Variants in MYO16 observed in about 807,000 individuals in gnomAD.
MYO16 encodes the protein myosin XVI.
In MYO16, 94 loss-of-function variants were observed where a neutral mutation model predicts 205.3. The ratio of observed to expected loss-of-function variants is 0.46; its 90% CI spans 0.39 to 0.54. MYO16 has a LOEUF of 0.54. Ranked by LOEUF, MYO16 falls within the 20% of genes least tolerant of loss-of-function variation. MYO16 has a pLI of 0.00. For missense variants in MYO16, 2,315 were observed against 2,387.5 expected (o/e 0.97, Z 0.63); for synonymous variants, 988 against 954.0 (o/e 1.04, Z -0.66).
intron 16 of MYO16, among the ~76,000 whole-genome samples, chr13:108,937,523 G>A (rs1258776938): frequency 6.6e-6 from 1 of 151,924 alleles, no homozygotes; most frequent in Non-Finnish European, 1.5e-5. Flanking sequence ...GGTTTGGTTG[G>A]TTTACATAAT....
intron 4 of MYO16, among the ~76,000 whole-genome samples, chr13:108,738,022 CTCT>C (rs1360676477): frequency 1.3e-5 from 2 of 152,040 alleles, no homozygotes; most frequent in Non-Finnish European, 2.9e-5. Context: ...TGATTCTTCT[CTCT>C]TCTTCTTTAT....
At chr13:109,031,631 C>G (rs1403451743) in intron 23 of MYO16, among the ~76,000 whole-genome samples, 3 of 152,122 alleles carry the variant, frequency 2.0e-5, no homozygotes, top group African/African-American at 4.8e-5. Flanking sequence ...AAATTATTTT[C>G]ACATTTTTGT....
At chr13:109,194,162 A>G (rs1880048140) in intron 34 of MYO16, among the ~76,000 whole-genome samples, 1 of 152,170 alleles carries the variant, frequency 6.6e-6, no homozygotes, top group African/African-American at 2.4e-5. Flanking sequence ...AATTTGAATG[A>G]AAGCCCCTCG....
chr13:108,563,430 C>A, the MYO16 span, among the ~76,000 whole-genome samples: 1 of 151,648 alleles, frequency 6.6e-6, no homozygotes, highest in East Asian at 1.9e-4. Context: ...CTTATTCATT[C>A]TTTCTAACTA....
chr13:108,856,998 T>A (rs1878213741), intron 11 of MYO16, among the ~76,000 whole-genome samples: 1 of 152,200 alleles, frequency 6.6e-6, no homozygotes. Context: ...ATCCTCATGA[T>A]ATGCCCTGAA....
chr13:108,862,524 G>C (rs1331931196), intron 11 of MYO16, among the ~76,000 whole-genome samples: 1 of 152,124 alleles, frequency 6.6e-6, no homozygotes, highest in Non-Finnish European at 1.5e-5. Context: ...CAGCACCTTT[G>C]TCCTAAACAG....
At chr13:108,937,551 C>T (rs1183770356) in intron 16 of MYO16, among the ~76,000 whole-genome samples, 2 of 152,138 alleles carry the variant, frequency 1.3e-5, no homozygotes, top group Non-Finnish European at 2.9e-5. Context: ...TTCTCAAAGG[C>T]GTTGCTCATT....
intron 15 of MYO16, among the ~76,000 whole-genome samples, chr13:108,899,381 C>T (rs777542533): frequency 6.6e-6 from 1 of 151,780 alleles, no homozygotes; most frequent in Non-Finnish European, 1.5e-5. Context: ...AGATATCACA[C>T]CATTGCACTC....
intron 27 of MYO16, among the ~76,000 whole-genome samples, chr13:109,090,654 C>T (rs1170307156): frequency 6.6e-6 from 1 of 152,116 alleles, no homozygotes; most frequent in Non-Finnish European, 1.5e-5. Context: ...AACTAAACTG[C>T]AATGATGGGT....
chr13:109,109,639 T>C (rs1382996611), intron 28 of MYO16, among the ~76,000 whole-genome samples: 1 of 152,148 alleles, frequency 6.6e-6, no homozygotes, highest in Non-Finnish European at 1.5e-5. Flanking sequence ...TTAAGTTACA[T>C]TGACCTGAAG....
chr13:108,727,275 C>A (rs954209804), intron 3 of MYO16, among the ~76,000 whole-genome samples, 165 bp from the exon 4 acceptor site: 3 of 151,904 alleles, frequency 2.0e-5, no homozygotes, highest in Non-Finnish European at 4.4e-5. Flanking sequence ...TGCGTATGTT[C>A]TTTTCCTTGT....
chr13:108,817,957 A>C (rs1476379140), intron 7 of MYO16, among the ~76,000 whole-genome samples: 1 of 152,196 alleles, frequency 6.6e-6, no homozygotes, highest in Admixed American at 6.5e-5. Flanking sequence ...CCTATTTGAG[A>C]CATAAAGAAA....
intron 23 of MYO16, among the ~76,000 whole-genome samples, chr13:109,038,262 G>A (rs753680939): frequency 1.3e-5 from 2 of 152,190 alleles, no homozygotes; most frequent in Non-Finnish European, 2.9e-5. Context: ...TGTCTTCGAG[G>A]TGTTTTGGGA....
chr13:108,568,089 T>G, the MYO16 span, among the ~76,000 whole-genome samples: 1 of 152,174 alleles, frequency 6.6e-6, no homozygotes, highest in Admixed American at 6.5e-5. Context: ...AGATAAACCA[T>G]ATTTTATTTT....
At chr13:109,065,637 A>G (rs1308176038) in intron 27 of MYO16, 3 of 446,788 alleles carry the variant, frequency 6.7e-6, no homozygotes, top group Non-Finnish European at 1.3e-5. Context: ...ATCACCCTGT[A>G]TGCTTGTGGA....
chr13:108,679,455 C>T (rs1017190686), intron 2 of MYO16, among the ~76,000 whole-genome samples: 8 of 152,080 alleles, frequency 5.3e-5, no homozygotes, highest in East Asian at 1.9e-4. Context: ...TCTAGAACAA[C>T]GACTTGCACA....
intron 1 of MYO16, among the ~76,000 whole-genome samples, chr13:108,597,249 A>C (rs1050017451): frequency 2.0e-5 from 3 of 152,232 alleles, no homozygotes; most frequent in African/African-American, 7.2e-5. Context: ...TGATAAATAC[A>C]CATGGTGAAA....
chr13:108,906,676 T>A (rs1270658119), intron 15 of MYO16, among the ~76,000 whole-genome samples: 3 of 152,206 alleles, frequency 2.0e-5, no homozygotes, highest in African/African-American at 7.2e-5. Flanking sequence ...CAACAGAATT[T>A]AAATGAGGCA....
the MYO16 span, among the ~76,000 whole-genome samples, chr13:108,575,122 C>T: frequency 6.6e-6 from 1 of 152,252 alleles, no homozygotes; most frequent in African/African-American, 2.4e-5. Context: ...TATCAGATGC[C>T]CTCTATCCTA....
Sources: gnomAD v4.1 joint callset for allele counts (sites outside exome capture counted in the v4.1 genomes callset) on GRCh38, gnomAD v4.1.1 for gene constraint, MANE v1.5 for transcripts, NCBI Gene and HGNC (gene_info 2026-07-23, HGNC 2026-07-21) for gene names.